The following MCM6 variants were observed in gnomAD, a reference collection of about 807,000 sequenced individuals.
MCM6 encodes the protein minichromosome maintenance complex component 6.
MCM6 carries 46 observed loss-of-function variants against 94.3 expected under a neutral mutation model. The observed-to-expected ratio is 0.49, with a 90% CI of 0.39 to 0.62. The LOEUF (loss-of-function observed/expected upper bound fraction) is 0.62. Ranked by LOEUF, MCM6 falls within the 20% of genes least tolerant of loss-of-function variation. MCM6 has a pLI of 0.00. For synonymous variants in MCM6, 335 were observed against 351.9 expected, an observed-to-expected ratio of 0.95 and a Z score of 0.54; for missense variants, 865 against 1,017.9, an observed-to-expected ratio of 0.85 and a Z score of 2.04.
intron 2 of MCM6, among the ~76,000 whole-genome samples, chr2:135,872,396 C>T (rs1422621121): frequency 6.6e-6 from 1 of 152,056 alleles, no homozygotes; most frequent in Non-Finnish European, 1.5e-5. Flanking sequence ...TGCAGTGAGC[C>T]AAGATCGCGC....
chr2:135,842,460 T>C (rs1026322513), intron 16 of MCM6, among the ~76,000 whole-genome samples: 11 of 152,206 alleles, frequency 7.2e-5, no homozygotes, highest in Non-Finnish European at 1.2e-4. Context: ...AATTTAACCA[T>C]TCAACATATA....
At position 135,872,853 on chromosome 2, in the gene MCM6, C is replaced by T. The variant is rs1395293692; in HGVS notation, c.108-10G>A. On this transcript the variant is annotated splice_polypyrimidine_tract_variant and intron_variant, in intron 1 of 16. Coordinates refer to ENST00000264156, the MANE Select transcript of MCM6 (RefSeq NM_005915.6). ...ATCGCTGCTCTGAAACCTGCAGGTA[C>T]ATTCGAGTCAACTAGATTAAGGACA... 2 of 1,613,362 alleles carry T rather than the reference C, an allele frequency of 1.2e-6. No homozygotes were observed. Among genetic ancestry groups the T allele is most frequent in the African/African-American group, 2.7e-5 (2 of 74,884 alleles).
At chr2:135,853,876 C>G (rs1239087722) in intron 11 of MCM6, among the ~76,000 whole-genome samples, 1 of 152,166 alleles carries the variant, frequency 6.6e-6, no homozygotes, top group African/African-American at 2.4e-5. Flanking sequence ...TATGGGTGTT[C>G]TATGCACTAT....
At chr2:135,848,263 A>T (rs1442215638) in intron 13 of MCM6, 75 bp from the exon 14 acceptor site, 1 of 1,114,906 alleles carries the variant, frequency 9.0e-7, no homozygotes, top group Non-Finnish European at 1.3e-6. Context: ...ATGAAATCAC[A>T]GTAGTATGTA....
chr2:135,866,202 G>A lies in MCM6; in HGVS notation c.857C>T (p.Ala286Val), dbSNP rs1188231757. The part of the protein sequence containing the change: ...YETEGIRGLR[A>V]LGVRDLSYRL... ...ATAAGAAAGGTCCCTAACACCAAGGGCCCGGAGTCCTCGAATGCCTTCTGT... is the reference window on the plus strand; with the variant it reads ...ATAAGAAAGGTCCCTAACACCAAGGACCCGGAGTCCTCGAATGCCTTCTGT... Residue 286 changes from alanine (A) to valine (V), a missense_variant, in exon 6 of 17, where the codon GCC becomes GTC. Ala to Val is a moderately conservative substitution (Grantham distance 64, BLOSUM62 0). Around this residue, in one of 3 missense-constraint regions of MCM6, gnomAD observed 404 missense variants for 451.9 expected, o/e 0.89. Transcript: ENST00000264156. 4 of 1,614,076 alleles carry A rather than the reference G, an allele frequency of 2.5e-6. No individual in the cohort carries two copies. Among genetic ancestry groups the A allele is most frequent in the Admixed American group, 3.3e-5 (2 of 59,998 alleles).
chr2:135,858,062 C>A, intron 9 of MCM6, 58 bp from the exon 10 acceptor site: 1 of 1,480,176 alleles, frequency 6.8e-7, no homozygotes. Flanking sequence ...GCATGGCTCA[C>A]ACTTGTAATC....
At chr2:135,841,048 A>G in intron 16 of MCM6, 97 bp from the exon 17 acceptor site, 1 of 866,336 alleles carries the variant, frequency 1.2e-6, no homozygotes, top group South Asian at 1.5e-5. Context: ...TTTGCTATCA[A>G]CATTTTCTTT....
In MCM6 at chr2:135,873,412, A is replaced by C. The variant is rs966366700; in HGVS notation, c.108-569T>G. On this transcript the variant is annotated intron_variant, in intron 1 of 16. Coordinates refer to ENST00000264156, the MANE Select transcript of MCM6 (RefSeq NM_005915.6). ...AATTAGTCAGGGATTTAAGAAGCAG[A>C]ACAGAAATAAGAATACATGGAAATG... is the stretch of plus-strand genomic sequence containing the variant. Among the ~76,000 whole-genome samples, 19 of 152,250 alleles carry C rather than the reference A, an allele frequency of 1.2e-4. 1 individual carries two copies.
chr2:135,850,653 G>A (rs983480075), intron 13 of MCM6, among the ~76,000 whole-genome samples: 14 of 152,268 alleles, frequency 9.2e-5, no homozygotes, highest in African/African-American at 1.7e-4. Flanking sequence ...GATTGAAGTC[G>A]GAACAGTGGT....
intron 15 of MCM6, 115 bp from the exon 16 acceptor site, chr2:135,844,799 T>C: frequency 9.1e-7 from 1 of 1,099,358 alleles, no homozygotes. Flanking sequence ...TGTCAAGCCG[T>C]CCGAAAGTAC....
chr2:135,850,300 A>T (rs6752360), intron 13 of MCM6, among the ~76,000 whole-genome samples: 147,775 of 150,786 alleles, frequency 0.98, 72,461 homozygotes, highest in East Asian at 1. Flanking sequence ...GTTTTTTTTT[A>T]ATTTCCAACT....
intron 2 of MCM6, among the ~76,000 whole-genome samples, 171 bp from the exon 3 acceptor site, chr2:135,870,532 A>G (rs1680180641): frequency 6.6e-6 from 1 of 152,164 alleles, no homozygotes; most frequent in Admixed American, 6.5e-5. Flanking sequence ...ACCCTCTTTC[A>G]GTTCTCTCCT....
intron 15 of MCM6, 103 bp downstream of exon 15, chr2:135,846,134 C>G: frequency 8.4e-7 from 1 of 1,189,146 alleles, no homozygotes; most frequent in Non-Finnish European, 1.2e-6. Context: ...AACTTATCCT[C>G]TCTTCCGACA....
At chr2:135,847,263 A>G (rs1319488282) in intron 14 of MCM6, among the ~76,000 whole-genome samples, 1 of 152,124 alleles carries the variant, frequency 6.6e-6, no homozygotes, top group Non-Finnish European at 1.5e-5. Context: ...AAAATTCTCA[A>G]AAAATTAGCC....
At chr2:135,852,684 T>A in intron 12 of MCM6, 103 bp downstream of exon 12, 1 of 833,930 alleles carries the variant, frequency 1.2e-6, no homozygotes, top group Non-Finnish European at 1.7e-6. Context: ...ATTTAGGAAC[T>A]AAGGTAGATG....
At chr2:135,859,906 C>A (rs184648323) in intron 8 of MCM6, among the ~76,000 whole-genome samples, 1 of 151,798 alleles carries the variant, frequency 6.6e-6, no homozygotes, top group African/African-American at 2.4e-5. Flanking sequence ...TGGGTTCAAG[C>A]GATTCTCCTG....
chr2:135,848,790 A>C (rs4988252), intron 13 of MCM6, among the ~76,000 whole-genome samples: 149,444 of 152,254 alleles, frequency 0.98, 73,394 homozygotes, highest in East Asian at 1. Flanking sequence ...GAGGCTGAGA[A>C]AGAAGAATCG....
chr2:135,862,882 A>C, intron 7 of MCM6, 134 bp from the exon 8 acceptor site: 3 of 822,000 alleles, frequency 3.6e-6, no homozygotes, highest in Non-Finnish European at 5.7e-6. Context: ...AACTGGAGTA[A>C]TAACACCTGG....
chr2:135,871,479 GCCTCCTTAT>G (rs757306873), intron 2 of MCM6, among the ~76,000 whole-genome samples: 5 of 152,202 alleles, frequency 3.3e-5, no homozygotes, highest in Non-Finnish European at 7.3e-5. Context: ...ACGAGACTGT[GCCTCCTTAT>G]CCCTGGGTTT....
Sources: gnomAD v4.1 joint callset for allele counts (sites outside exome capture counted in the v4.1 genomes callset) on GRCh38, gnomAD v4.1.1 for gene constraint, gnomAD v4.1.1 regional missense constraint, MANE v1.5 for transcripts, NCBI Gene and HGNC (gene_info 2026-07-23, HGNC 2026-07-21) for gene names.